The following TNRC6A variants were observed in gnomAD, a reference collection of about 807,000 sequenced individuals.
TNRC6A encodes the protein trinucleotide repeat-containing gene 6A protein.
TNRC6A carries 44 observed loss-of-function variants against 221.2 expected under a neutral mutation model. The ratio of observed to expected loss-of-function variants is 0.20; its 90% CI spans 0.16 to 0.26. TNRC6A has a LOEUF of 0.26. Among genes scored for constraint, TNRC6A ranks in the 10% least tolerant of loss-of-function variants. The pLI, the probability that TNRC6A is intolerant of heterozygous loss-of-function variation, is 1.00. For synonymous variants in TNRC6A, 847 were observed against 838.5 expected, an observed-to-expected ratio of 1.01 and a Z score of -0.18; for missense variants, 2,199 against 2,404.4, an observed-to-expected ratio of 0.91 and a Z score of 1.79.
intron 2 of TNRC6A, among the ~76,000 whole-genome samples, chr16:24,694,758 A>T (rs1024399931): frequency 1.3e-5 from 2 of 149,718 alleles, no homozygotes; most frequent in Non-Finnish European, 3.0e-5. Flanking sequence ...ACGTAGCAAG[A>T]CCCCATCTCT....
chr16:24,622,234 G>A (rs375191708), intron 1 of TNRC6A, among the ~76,000 whole-genome samples: 12 of 152,062 alleles, frequency 7.9e-5, no homozygotes, highest in Middle Eastern at 3.4e-3. Context: ...AACATAGCAA[G>A]ACTCTATCCC....
chr16:24,805,633 C>G lies in TNRC6A; in HGVS notation c.4151C>G (p.Pro1384Arg). ...QVPVSLLKYA[P>R]NNGGLNPLFG... ...CCAGTTTCATTGCTGAAGTATGCAC[C>G]AAACAACGGTGGCCTGAATCCACTC... is the stretch of plus-strand genomic sequence containing the variant. The change falls in exon 15 of 25, where the codon CCA becomes CGA. Residue 1384 changes from proline (P) to arginine (R), a missense_variant. Pro to Arg is a moderately radical substitution (Grantham distance 103, BLOSUM62 -2). Transcript: ENST00000395799. 1.9e-6 allele frequency: 3 copies of G among 1,614,190 alleles called. No homozygotes were observed. Among genetic ancestry groups the G allele is most frequent in the Non-Finnish European group, 1.7e-6 (2 of 1,180,030 alleles).
chr16:24,749,483 T>C (rs1176716903), intron 2 of TNRC6A, among the ~76,000 whole-genome samples: 1 of 152,186 alleles, frequency 6.6e-6, no homozygotes, highest in African/African-American at 2.4e-5. Flanking sequence ...TGTAGGCATC[T>C]GGATGGGAAG....
intron 3 of TNRC6A, among the ~76,000 whole-genome samples, chr16:24,757,728 A>C (rs1198662991): frequency 1.3e-5 from 2 of 152,224 alleles, no homozygotes; most frequent in Admixed American, 1.3e-4. Flanking sequence ...GCTTCTGATC[A>C]CAGTAATTTT....
chr16:24,791,580 AAAGAAG>A lies in TNRC6A; in HGVS notation c.2944_2949del (p.Glu982_Glu983del). 1 of 1,577,924 alleles carries A rather than the reference AAAGAAG, an allele frequency of 6.3e-7. No homozygotes were observed. The highest frequency in any genetic ancestry group is 8.6e-7 in the Non-Finnish European group (1 of 1,165,400). ...GGGGGGACCTATACCAGCCCCAGCA[AAAGAAG>A]AAGAACCCACAGGCTGGGAGGAACC... is the stretch of plus-strand genomic sequence containing the variant. On this transcript the variant is annotated inframe_deletion, in exon 6 of 25. Transcript: ENST00000395799.
At chr16:24,815,112 T>C in intron 18 of TNRC6A, 35 bp from the exon 19 acceptor site, 1 of 1,597,446 alleles carries the variant, frequency 6.3e-7, no homozygotes, top group Non-Finnish European at 8.6e-7. Context: ...TGTGTGTATT[T>C]TGCTCACATT....
chr16:24,685,735 G>A (rs904372123), intron 2 of TNRC6A, among the ~76,000 whole-genome samples: 2 of 152,282 alleles, frequency 1.3e-5, no homozygotes, highest in East Asian at 1.9e-4. Context: ...CCTTGGGCGA[G>A]TCACTCCATC....
intron 2 of TNRC6A, among the ~76,000 whole-genome samples, chr16:24,672,497 A>G (rs2055326814): frequency 6.6e-6 from 1 of 151,954 alleles, no homozygotes; most frequent in Non-Finnish European, 1.5e-5. Flanking sequence ...GCTGGAGTGC[A>G]GTGGTGTGAT....
chr16:24,811,078 G>C (rs2058533848), intron 18 of TNRC6A, among the ~76,000 whole-genome samples: 1 of 152,168 alleles, frequency 6.6e-6, no homozygotes, highest in Non-Finnish European at 1.5e-5. Flanking sequence ...TATCATTAGA[G>C]TGGCCTAGGT....
At chr16:24,615,785 G>A (rs1010662644) in intron 1 of TNRC6A, among the ~76,000 whole-genome samples, 1 of 152,174 alleles carries the variant, frequency 6.6e-6, no homozygotes. Context: ...CAGCTACTCA[G>A]GAAGCTGAGG....
chr16:24,767,807 G>A (rs1391330333), intron 4 of TNRC6A, among the ~76,000 whole-genome samples: 1 of 152,048 alleles, frequency 6.6e-6, no homozygotes, highest in African/African-American at 2.4e-5. Context: ...TAACTTTAGG[G>A]AATTAAAAAC....
At chr16:24,659,968 T>G (rs1246932779) in intron 2 of TNRC6A, among the ~76,000 whole-genome samples, 2 of 152,222 alleles carry the variant, frequency 1.3e-5, no homozygotes, top group East Asian at 1.9e-4. Context: ...TTTAATTTTT[T>G]TATCTACTGC....
chr16:24,708,123 C>T (rs1413320551), intron 2 of TNRC6A, among the ~76,000 whole-genome samples: 1 of 151,720 alleles, frequency 6.6e-6, no homozygotes, highest in Non-Finnish European at 1.5e-5. Context: ...TCATAAATTG[C>T]TGGTGAGGAT....
chr16:24,691,350 T>G (rs2055752296), intron 2 of TNRC6A, among the ~76,000 whole-genome samples: 1 of 152,068 alleles, frequency 6.6e-6, no homozygotes, highest in Non-Finnish European at 1.5e-5. Context: ...TTCAGAGTGC[T>G]GGGATAACAG....
chr16:24,691,996 T>G (rs1012790532), intron 2 of TNRC6A, among the ~76,000 whole-genome samples: 1 of 152,168 alleles, frequency 6.6e-6, no homozygotes, highest in South Asian at 2.1e-4. Context: ...TTCTAGCAAG[T>G]TAACTTACAA....
chr16:24,764,313 A>G (rs920125657), intron 4 of TNRC6A, among the ~76,000 whole-genome samples: 2 of 150,136 alleles, frequency 1.3e-5, no homozygotes, highest in Non-Finnish European at 3.0e-5. Context: ...ATTTGCCACA[A>G]TTTCTTCTTT....
chr16:24,702,298 C>T (rs1034160898), intron 2 of TNRC6A, among the ~76,000 whole-genome samples: 2 of 151,590 alleles, frequency 1.3e-5, no homozygotes, highest in Non-Finnish European at 2.9e-5. Context: ...CCAGCTCAGC[C>T]TCCCGAGTAG....
At chr16:24,744,922 AT>A (rs1385948272) in intron 2 of TNRC6A, among the ~76,000 whole-genome samples, 2 of 152,098 alleles carry the variant, frequency 1.3e-5, no homozygotes, top group African/African-American at 4.8e-5. Context: ...TGAGCCTTAG[AT>A]TTTGTTTTGT....
At position 24,660,730 on chromosome 16, in the gene TNRC6A, TTTTTTTTTC is replaced by T. The variant is rs1405227711; in HGVS notation, n.402+19730_402+19738del. ...ATTCAGCTTTCTTTTTCTTTTTTCT[TTTTTTTTTC>T]TTTTTTTTTTTTTTTTTTTTGAGAC... On this transcript the variant is annotated intron_variant and non_coding_transcript_variant, in intron 2 of 2. Transcript: ENST00000566108. 1.1e-3 allele frequency among the ~76,000 whole-genome samples: 144 copies of T among 132,168 alleles called. 1 individual carries two copies. Among genetic ancestry groups the T allele is most frequent in the African/African-American group, 4.4e-3 (137 of 30,956 alleles). The allele number at this position is 132,168 out of a possible 152,430, so 86.7% of individuals were successfully genotyped here. A position where few individuals can be genotyped will look rare whatever the true frequency, so the allele number is the denominator to read the frequency against.
Sources: gnomAD v4.1 joint callset for allele counts (sites outside exome capture counted in the v4.1 genomes callset) on GRCh38, gnomAD v4.1.1 for gene constraint, MANE v1.5 for transcripts, NCBI Gene and HGNC (gene_info 2026-07-23, HGNC 2026-07-21) for gene names.